Variants in RANBP17 observed in about 807,000 individuals in gnomAD.
RANBP17 encodes RAN binding protein 17.
A neutral mutation model predicts 141.2 loss-of-function variants in RANBP17; 158 were observed. The observed-to-expected ratio is 1.12, with a 90% CI of 0.98 to 1.28. RANBP17 has a LOEUF of 1.28. Among genes scored for constraint, RANBP17 ranks in the 50% most tolerant of loss-of-function variants. The pLI is 0.00. For missense variants in RANBP17, 1,438 were observed against 1,290.7 expected (o/e 1.11, Z -1.75); for synonymous variants, 430 against 450.0 (o/e 0.96, Z 0.56).
intron 14 of RANBP17, among the ~76,000 whole-genome samples, chr5:171,004,434 A>C (rs1779436510): frequency 6.6e-6 from 1 of 152,182 alleles, no homozygotes; most frequent in Non-Finnish European, 1.5e-5. Context: ...ATGGCACCAG[A>C]CTGGGGGAGT....
At chr5:171,103,667 G>A (rs548064561) in intron 14 of RANBP17, among the ~76,000 whole-genome samples, 1 of 152,200 alleles carries the variant, frequency 6.6e-6, no homozygotes, top group African/African-American at 2.4e-5. Flanking sequence ...AAACCCTGCA[G>A]CTAGCTAGGT....
chr5:171,119,394 G>C (rs1290538318), intron 14 of RANBP17, among the ~76,000 whole-genome samples: 1 of 152,096 alleles, frequency 6.6e-6, no homozygotes, highest in Non-Finnish European at 1.5e-5. Context: ...AATGAGTTGG[G>C]AAAAATTTCC....
At chr5:170,980,496 G>A (rs1777689547) in intron 14 of RANBP17, among the ~76,000 whole-genome samples, 1 of 152,190 alleles carries the variant, frequency 6.6e-6, no homozygotes, top group African/African-American at 2.4e-5. Flanking sequence ...CATGCTGTGT[G>A]CAGCCTAGGA....
intron 2 of RANBP17, among the ~76,000 whole-genome samples, chr5:170,879,831 A>C (rs1407812241): frequency 6.6e-6 from 1 of 152,132 alleles, no homozygotes; most frequent in South Asian, 2.1e-4. Context: ...CCAACACAGA[A>C]TATTCAGATA....
At chr5:171,263,328 G>A (rs1394979979) in intron 24 of RANBP17, among the ~76,000 whole-genome samples, 1 of 152,144 alleles carries the variant, frequency 6.6e-6, no homozygotes, top group Non-Finnish European at 1.5e-5. Flanking sequence ...TAAACTCCCA[G>A]GGATCATGTG....
intron 14 of RANBP17, among the ~76,000 whole-genome samples, chr5:171,121,251 A>G (rs577178166): frequency 5.9e-5 from 9 of 152,240 alleles, no homozygotes; most frequent in East Asian, 1.9e-4. Flanking sequence ...CCTTGGGGCT[A>G]TTTCTCAGGC....
At chr5:171,097,596 G>A (rs1475873623) in intron 14 of RANBP17, among the ~76,000 whole-genome samples, 3 of 147,224 alleles carry the variant, frequency 2.0e-5, no homozygotes, top group Non-Finnish European at 3.0e-5. Context: ...ACCTTAACCT[G>A]TATGTAGTCT....
intron 14 of RANBP17, among the ~76,000 whole-genome samples, chr5:171,133,713 A>G (rs1055688845): frequency 1.3e-5 from 2 of 152,194 alleles, no homozygotes; most frequent in Non-Finnish European, 2.9e-5. Flanking sequence ...ACAGAAACTT[A>G]GTTACTGTAT....
intron 14 of RANBP17, chr5:171,028,813 AG>A (rs1262422310): frequency 2.7e-5 from 22 of 818,640 alleles, no homozygotes; most frequent in Admixed American, 4.7e-5. Flanking sequence ...CTCCTAAGAA[AG>A]GAGAATTCAT....
intron 25 of RANBP17, among the ~76,000 whole-genome samples, chr5:171,282,514 T>C (rs1469633588): frequency 6.6e-6 from 1 of 152,104 alleles, no homozygotes. Flanking sequence ...TGGAGTTTTC[T>C]GTCGCCCAGG....
rs760230420 is a variant in RANBP17 at position 170,914,324 on chromosome 5, A to G, written c.834+84A>G. 12 of 95,662 alleles carry G rather than the reference A, an allele frequency of 1.3e-4. No individual in the cohort carries two copies. In the East Asian group the frequency reaches 4.5e-3, roughly 36 times the overall value. The allele number at this position is 95,662 out of a possible 1,614,324, so 5.9% of individuals were successfully genotyped here. ...TATATTTACTTCAAAAATTCTGTTT[A>G]TATATTCAATTGAGTTTACTTTTCA... On this transcript the variant is annotated intron_variant, in intron 8 of 27. Coordinates refer to ENST00000523189, the MANE Select transcript of RANBP17 (RefSeq NM_022897.5).
At chr5:171,037,644 C>G (rs539593990) in intron 14 of RANBP17, among the ~76,000 whole-genome samples, 1 of 152,208 alleles carries the variant, frequency 6.6e-6, no homozygotes, top group East Asian at 1.9e-4. Context: ...TATAGCTAGC[C>G]AACTATCCCA....
chr5:171,100,566 T>G (rs886851785), intron 14 of RANBP17, among the ~76,000 whole-genome samples: 4 of 152,216 alleles, frequency 2.6e-5, no homozygotes, highest in African/African-American at 9.6e-5. Flanking sequence ...ATTCATTGAT[T>G]TCTTTTGAAG....
chr5:171,284,632 T>C (rs1457085691), intron 25 of RANBP17: 3 of 152,160 alleles, frequency 2.0e-5, no homozygotes, highest in Non-Finnish European at 4.4e-5. Context: ...CCTGAGGCCA[T>C]GTTCCTAAAG....
intron 13 of RANBP17, among the ~76,000 whole-genome samples, chr5:170,960,022 T>C (rs1278922707): frequency 1.3e-5 from 2 of 152,218 alleles, no homozygotes; most frequent in Non-Finnish European, 2.9e-5. Flanking sequence ...AGGGCTCCTC[T>C]GACCTCCCTA....
intron 14 of RANBP17, among the ~76,000 whole-genome samples, chr5:171,164,657 C>T (rs1344206594): frequency 6.6e-6 from 1 of 152,160 alleles, no homozygotes; most frequent in Admixed American, 6.5e-5. Flanking sequence ...AAGAGCATGC[C>T]TTCTCAAATC....
At chr5:171,212,573 G>T (rs994991412) in intron 20 of RANBP17, among the ~76,000 whole-genome samples, 1 of 152,184 alleles carries the variant, frequency 6.6e-6, no homozygotes, top group African/African-American at 2.4e-5. Context: ...CTTGAACACC[G>T]TGCTACGGAG....
chr5:171,086,413 GT>G (rs1785658232), intron 14 of RANBP17, among the ~76,000 whole-genome samples: 1 of 151,814 alleles, frequency 6.6e-6, no homozygotes, highest in African/African-American at 2.4e-5. Flanking sequence ...AAGGATATTG[GT>G]CTAAAATTCT....
chr5:171,040,064 C>T (rs181031474), intron 14 of RANBP17, among the ~76,000 whole-genome samples: 71 of 151,820 alleles, frequency 4.7e-4, no homozygotes, highest in African/African-American at 1.6e-3. Flanking sequence ...GGCAAGGACA[C>T]GACAAAAAAA....
Sources: gnomAD v4.1 joint callset for allele counts (sites outside exome capture counted in the v4.1 genomes callset) on GRCh38, gnomAD v4.1.1 for gene constraint, MANE v1.5 for transcripts, NCBI Gene and HGNC (gene_info 2026-07-23, HGNC 2026-07-21) for gene names.